The following ROCK2 variants were observed in gnomAD, a reference collection of about 807,000 sequenced individuals.
ROCK2 encodes rho-associated protein kinase 2.
In ROCK2, 61 loss-of-function variants were observed where a neutral mutation model predicts 195.1. That is an observed-to-expected ratio of 0.31 (90% confidence interval 0.25 to 0.39). The LOEUF (loss-of-function observed/expected upper bound fraction) is 0.39. Ranked by LOEUF, ROCK2 falls within the 10% of genes least tolerant of loss-of-function variation. The probability of loss-of-function intolerance (pLI) is 1.00; values close to 1 mark genes in which losing one functional copy is unlikely to be tolerated. For missense variants in ROCK2, 1,109 were observed against 1,637.4 expected, an observed-to-expected ratio of 0.68 and a Z score of 5.57; for synonymous variants, 504 against 545.5, an observed-to-expected ratio of 0.92 and a Z score of 1.06.
At chr2:11,294,882 A>G (rs1252639351) in intron 1 of ROCK2, among the ~76,000 whole-genome samples, 1 of 151,724 alleles carries the variant, frequency 6.6e-6, no homozygotes, top group Non-Finnish European at 1.5e-5. Context: ...CTCCTCCTCC[A>G]CCTCAAGTGA....
At chr2:11,259,705 T>C (rs1284071465) in intron 3 of ROCK2, among the ~76,000 whole-genome samples, 1 of 151,424 alleles carries the variant, frequency 6.6e-6, no homozygotes, top group African/African-American at 2.5e-5. Context: ...TAATAAGCAG[T>C]CCTATTTGGC....
chr2:11,249,866 T>A, intron 3 of ROCK2, 68 bp from the exon 4 acceptor site: 1 of 1,227,680 alleles, frequency 8.1e-7, no homozygotes. Flanking sequence ...TAGATGATAC[T>A]ATAATGCTAT....
chr2:11,292,921 A>G (rs1252403869), intron 1 of ROCK2, among the ~76,000 whole-genome samples: 2 of 152,060 alleles, frequency 1.3e-5, no homozygotes, highest in Non-Finnish European at 2.9e-5. Context: ...CTGGTTTAGA[A>G]GTGTGTAGCA....
intron 3 of ROCK2, among the ~76,000 whole-genome samples, chr2:11,276,791 G>A (rs72787680): frequency 6.6e-6 from 1 of 152,066 alleles, no homozygotes; most frequent in Non-Finnish European, 1.5e-5. Context: ...TGGTGTGTGT[G>A]TATGTATACA....
At position 11,192,999 on chromosome 2, in the gene ROCK2, A is replaced by G. The variant is rs1395078354; in HGVS notation, c.3688-287T>C. ...CCCATGCTTTAGCAGCACTATCAGA[A>G]TAGGTCAGCAAAAGGTAACTTCATA... On this transcript the variant is annotated intron_variant, in intron 30 of 32. Coordinates refer to ENST00000315872, the MANE Select transcript of ROCK2 (RefSeq NM_004850.5). The surrounding 1 kb of genome is among the most constrained non-coding windows in gnomAD (Gnocchi z 5.0). Among the ~76,000 whole-genome samples, 2 of 152,222 alleles carry G rather than the reference A, an allele frequency of 1.3e-5. No individual in the cohort carries two copies. The highest frequency in any genetic ancestry group is 2.4e-5 in the African/African-American group (1 of 41,460).
At chr2:11,248,387 G>A (rs1665697561) in intron 4 of ROCK2, among the ~76,000 whole-genome samples, 2 of 151,962 alleles carry the variant, frequency 1.3e-5, no homozygotes. Flanking sequence ...GTTTACAGAA[G>A]CAAAGCTAGT....
intron 13 of ROCK2, 86 bp downstream of exon 13, chr2:11,216,072 A>C: frequency 4.0e-6 from 4 of 1,001,364 alleles, no homozygotes; most frequent in Non-Finnish European, 6.4e-6. Context: ...ACGTATTACT[A>C]TGGTACCAAG....
chr2:11,211,322 T>C (rs1385702339), intron 18 of ROCK2, among the ~76,000 whole-genome samples: 2 of 152,180 alleles, frequency 1.3e-5, no homozygotes, highest in East Asian at 1.9e-4. Context: ...CCTGTATCAA[T>C]AGTAACAGGT....
In ROCK2 at chr2:11,184,383, G is replaced by A. The variant is rs1663115385; in HGVS notation, c.4164-943C>T. ...CTTCTGAATATGGCTTCTTTGGAAT[G>A]AACAGAACGTATCAGAATTAACTCC... On this transcript the variant is annotated intron_variant, in intron 32 of 32. Transcript: ENST00000315872. Among the ~76,000 whole-genome samples, 3 of 152,250 alleles carry A rather than the reference G, an allele frequency of 2.0e-5. No homozygotes were observed. The South Asian group carries it at 6.2e-4, about 32-fold the overall frequency.
At chr2:11,212,666 ATAAAGGCTT>A (rs1664290832) in intron 17 of ROCK2, among the ~76,000 whole-genome samples, 1 of 152,136 alleles carries the variant, frequency 6.6e-6, no homozygotes, top group Non-Finnish European at 1.5e-5. Context: ...CATAAATATG[ATAAAGGCTT>A]TTTTCCAAAT....
chr2:11,189,056 AAG>A (rs1663316501), intron 32 of ROCK2, among the ~76,000 whole-genome samples: 1 of 152,056 alleles, frequency 6.6e-6, no homozygotes, highest in South Asian at 2.1e-4. Context: ...AAGAAAAAAG[AAG>A]AGAAAAAGAT....
In ROCK2 at chr2:11,215,539, G is replaced by T. The variant is rs766961740; in HGVS notation, c.1568C>A (p.Ala523Glu). 1 of 1,611,078 alleles carries T rather than the reference G, an allele frequency of 6.2e-7. No individual in the cohort carries two copies. Reference sequence around the variant, plus strand: ...ATTTTCCAAATTTCGTTTTTTGTCTGCTTCATGATCAGCTTTCCTCTGATA... The same window carrying T: ...ATTTTCCAAATTTCGTTTTTTGTCTTCTTCATGATCAGCTTTCCTCTGATA... ...AEYQRKADHE[A>E]DKKRNLENDV... The change falls in exon 14 of 33, where the codon GCA becomes GAA. Residue 523 changes from alanine (A) to glutamate (E), a missense_variant. Transcript: ENST00000315872.
intron 2 of ROCK2, 47 bp from the exon 3 acceptor site, chr2:11,286,686 T>A (rs996669580): frequency 9.8e-7 from 1 of 1,022,362 alleles, no homozygotes; most frequent in East Asian, 2.5e-5. Flanking sequence ...CATATTTATA[T>A]TTTTACATAA....
At chr2:11,266,594 C>G (rs141683779) in intron 3 of ROCK2, among the ~76,000 whole-genome samples, 1 of 152,140 alleles carries the variant, frequency 6.6e-6, no homozygotes, top group Non-Finnish European at 1.5e-5. Flanking sequence ...CAAATTTGCA[C>G]CAACTATTAT....
chr2:11,285,600 G>A (rs1415237664), intron 3 of ROCK2, among the ~76,000 whole-genome samples: 1 of 152,130 alleles, frequency 6.6e-6, no homozygotes, highest in Admixed American at 6.5e-5. Context: ...GGCCGAGCAG[G>A]TAGATCCCTT....
chr2:11,343,847 G>T (rs981808726), intron 1 of ROCK2, 149 bp downstream of exon 1: 13 of 959,090 alleles, frequency 1.4e-5, no homozygotes, highest in Middle Eastern at 3.3e-4. Context: ...TGACAGAATC[G>T]TTTGGTCTCC....
chr2:11,336,010 G>A (rs1369608587), intron 1 of ROCK2, among the ~76,000 whole-genome samples: 2 of 152,038 alleles, frequency 1.3e-5, no homozygotes, highest in Non-Finnish European at 2.9e-5. Context: ...ATACATATAA[G>A]TTAAGATATA....
chr2:11,282,696 G>GT (rs1340869590), intron 3 of ROCK2, among the ~76,000 whole-genome samples: 3 of 150,966 alleles, frequency 2.0e-5, no homozygotes, highest in Non-Finnish European at 4.4e-5. Flanking sequence ...TAGAGCAATG[G>GT]TTTTTTAGAT....
chr2:11,215,589 C>A lies in ROCK2; in HGVS notation c.1518G>T (p.Ala506=), dbSNP rs753996403. The change falls in exon 14 of 33, where the codon GCG becomes GCT. Residue 506 remains alanine (A), a synonymous_variant. Coordinates refer to ENST00000315872, the MANE Select transcript of ROCK2 (RefSeq NM_004850.5). ...SALRQLEREK[A]LLQHKNAEYQ... ...ATTCTGCATTTTTGTGCTGAAGAAG[C>A]GCCTTTTCTCTTTCTAACTGTCTTA... is the stretch of plus-strand genomic sequence containing the variant. 4.3e-6 allele frequency: 7 copies of A among 1,613,292 alleles called. No homozygotes were observed. Among genetic ancestry groups the A allele is most frequent in the African/African-American group, 2.7e-5 (2 of 74,870 alleles).
Sources: allele counts gnomAD v4.1 joint callset (sites outside exome capture counted in the v4.1 genomes callset), GRCh38; gene constraint gnomAD v4.1.1; non-coding constraint Gnocchi (gnomAD v3.1); transcripts MANE v1.5; gene names NCBI Gene and HGNC (gene_info 2026-07-23, HGNC 2026-07-21).